KIAA0825: variants seen among roughly 807,000 people sequenced by gnomAD.
The protein encoded by KIAA0825 is KIAA0825, also known as uncharacterized protein KIAA0825.
Under a neutral mutation model 147.6 loss-of-function variants are expected in KIAA0825, and 119 were observed. The observed-to-expected ratio is 0.81, with a 90% CI of 0.69 to 0.94. The LOEUF is 0.94. Among genes scored for constraint, KIAA0825 ranks in the 40% least tolerant of loss-of-function variants. The probability of loss-of-function intolerance (pLI) is 0.00; values close to 1 mark genes in which losing one functional copy is unlikely to be tolerated. For synonymous variants in KIAA0825, 470 were observed against 518.1 expected (o/e 0.91, Z 1.26); for missense variants, 1,381 against 1,472.7 (o/e 0.94, Z 1.02).
At chr5:94,608,926 A>G (rs934934887) in intron 1 of KIAA0825, among the ~76,000 whole-genome samples, 14 of 152,118 alleles carry the variant, frequency 9.2e-5, no homozygotes, top group African/African-American at 3.1e-4. Context: ...GCATACCTCA[A>G]TGAATCAATA....
chr5:94,464,549 T>C (rs978671625), intron 11 of KIAA0825, among the ~76,000 whole-genome samples: 4 of 152,218 alleles, frequency 2.6e-5, no homozygotes, highest in African/African-American at 7.2e-5. Flanking sequence ...TGCTTTGGTA[T>C]CAATTTCAGG....
Position 94,417,262 on chromosome 5 carries a change from T to C in KIAA0825, c.2601A>G (p.Ala867=). The C allele has an allele frequency of 6.4e-7, 1 of 1,551,090 alleles. No homozygotes were observed. The highest frequency in any genetic ancestry group is 8.7e-7 in the Non-Finnish European group (1 of 1,146,588). Reference sequence around the variant, plus strand: ...CTTCCATGTAGCTCACAAAAACGTTTGCAAATGTTTGTGGAGAAAAACTGC... The same window carrying C: ...CTTCCATGTAGCTCACAAAAACGTTCGCAAATGTTTGTGGAGAAAAACTGC... ...YHCSFSPQTF[A]NVFVSYMEEE... Residue 867 remains alanine, a synonymous_variant, in exon 15 of 21, where the codon GCA becomes GCG. Coordinates refer to ENST00000682413, the MANE Select transcript of KIAA0825 (RefSeq NM_001145678.3).
chr5:94,307,722 C>T (rs1778837894), intron 20 of KIAA0825, among the ~76,000 whole-genome samples: 1 of 151,842 alleles, frequency 6.6e-6, no homozygotes, highest in Non-Finnish European at 1.5e-5. Flanking sequence ...GATAACTACT[C>T]CACCTCGAAA....
At chr5:94,605,326 T>C (rs1787300338) in intron 1 of KIAA0825, among the ~76,000 whole-genome samples, 1 of 152,184 alleles carries the variant, frequency 6.6e-6, no homozygotes, top group Admixed American at 6.5e-5. Flanking sequence ...AGGTGTATTC[T>C]ACCAGATGTA....
intron 20 of KIAA0825, among the ~76,000 whole-genome samples, chr5:94,224,077 C>CTTTTTT (rs1773920941): frequency 1.4e-5 from 1 of 69,688 alleles, no homozygotes; most frequent in Non-Finnish European, 3.1e-5. Flanking sequence ...CTTTCTTTTT[C>CTTTTTT]TTTTCTTTTT....
intron 20 of KIAA0825, among the ~76,000 whole-genome samples, chr5:94,279,399 G>A (rs1360090200): frequency 6.6e-6 from 1 of 151,978 alleles, no homozygotes; most frequent in Non-Finnish European, 1.5e-5. Flanking sequence ...AGAGAATAAT[G>A]TAACAATGAC....
intron 1 of KIAA0825, among the ~76,000 whole-genome samples, chr5:94,591,518 A>T (rs1784358581): frequency 6.6e-6 from 1 of 152,232 alleles, no homozygotes; most frequent in Non-Finnish European, 1.5e-5. Flanking sequence ...TCTGGTCTTT[A>T]GCTGACTTTA....
At chr5:94,585,518 AG>A (rs1056902965) in intron 1 of KIAA0825, among the ~76,000 whole-genome samples, 1 of 152,260 alleles carries the variant, frequency 6.6e-6, no homozygotes, top group African/African-American at 2.4e-5. Flanking sequence ...CACCCAATAC[AG>A]GGGCACCCAG....
intron 20 of KIAA0825, among the ~76,000 whole-genome samples, chr5:94,222,027 G>GTCTCCC (rs1562320313): frequency 6.6e-6 from 1 of 152,020 alleles, no homozygotes; most frequent in East Asian, 1.9e-4. Flanking sequence ...TCATTTAGTA[G>GTCTCCC]TCTCCCTCCC....
intron 2 of KIAA0825, among the ~76,000 whole-genome samples, chr5:94,554,715 ACTATATATATAT>A (rs1237311144): frequency 5.3e-5 from 4 of 75,352 alleles, no homozygotes; most frequent in Admixed American, 1.7e-4. Flanking sequence ...TGTTCTGTGT[ACTATATATATAT>A]ATATATATAT....
intron 14 of KIAA0825, among the ~76,000 whole-genome samples, chr5:94,427,778 CT>C (rs1755080966): frequency 6.6e-6 from 1 of 152,080 alleles, no homozygotes; most frequent in African/African-American, 2.4e-5. Flanking sequence ...TTTTGTGTGG[CT>C]GTCTAAACCT....
chr5:94,366,517 T>C (rs1745880429), intron 20 of KIAA0825, among the ~76,000 whole-genome samples: 1 of 152,180 alleles, frequency 6.6e-6, no homozygotes, highest in Non-Finnish European at 1.5e-5. Flanking sequence ...GGCCCCATGT[T>C]TACCCTTGTA....
intron 20 of KIAA0825, among the ~76,000 whole-genome samples, chr5:94,162,070 A>G (rs900587999): frequency 6.6e-6 from 1 of 152,138 alleles, no homozygotes; most frequent in Admixed American, 6.6e-5. Flanking sequence ...CCTCTAAATG[A>G]CACCAGTATG....
At chr5:94,158,627 A>C (rs1023301369) in intron 20 of KIAA0825, among the ~76,000 whole-genome samples, 2 of 152,222 alleles carry the variant, frequency 1.3e-5, no homozygotes, top group African/African-American at 2.4e-5. Context: ...ATCCCTAGCT[A>C]ATTTCTGATT....
At chr5:94,592,717 C>A in intron 1 of KIAA0825, 1 of 296,662 alleles carries the variant, frequency 3.4e-6, no homozygotes, top group South Asian at 3.8e-5. Context: ...TTTGTTGCAC[C>A]TGACAACTAG....
chr5:94,384,665 G>T (rs185900903), intron 19 of KIAA0825, among the ~76,000 whole-genome samples: 1 of 152,292 alleles, frequency 6.6e-6, no homozygotes, highest in Non-Finnish European at 1.5e-5. Flanking sequence ...ATTTGGGGAT[G>T]TAGTCATTAT....
At chr5:94,178,368 TC>T (rs1449251872) in intron 20 of KIAA0825, among the ~76,000 whole-genome samples, 5 of 151,880 alleles carry the variant, frequency 3.3e-5, no homozygotes, top group East Asian at 1.9e-4. Context: ...GGGAATTCTG[TC>T]CCCCCTTGAT....
intron 20 of KIAA0825, among the ~76,000 whole-genome samples, chr5:94,346,631 G>A (rs13161729): frequency 0.19 from 29,087 of 152,090 alleles, 3,895 homozygotes; most frequent in African/African-American, 0.39. Flanking sequence ...AGAGCCGAGC[G>A]AAATACAGGG....
chr5:94,262,847 A>G (rs1308608434), intron 20 of KIAA0825, among the ~76,000 whole-genome samples: 1 of 152,120 alleles, frequency 6.6e-6, no homozygotes, highest in Non-Finnish European at 1.5e-5. Flanking sequence ...GGGGGGCTGT[A>G]TGAAGTGGAG....
Sources: gnomAD v4.1 joint callset for allele counts (sites outside exome capture counted in the v4.1 genomes callset) on GRCh38, gnomAD v4.1.1 for gene constraint, MANE v1.5 for transcripts, NCBI Gene and HGNC (gene_info 2026-07-23, HGNC 2026-07-21) for gene names.